FBXL17: variants seen among roughly 807,000 people sequenced by gnomAD.
FBXL17 encodes the protein F-box and leucine rich repeat protein 17.
Under a neutral mutation model 66.2 loss-of-function variants are expected in FBXL17, and 22 were observed. The ratio of observed to expected loss-of-function variants is 0.33; its 90% CI spans 0.24 to 0.47. FBXL17 has a LOEUF of 0.47. FBXL17 is among the 20% of genes least tolerant of loss of function. The pLI is 1.00. For missense variants in FBXL17, 878 were observed against 948.2 expected (o/e 0.93, Z 0.97); for synonymous variants, 474 against 400.5 (o/e 1.18, Z -2.19).
intron 8 of FBXL17, among the ~76,000 whole-genome samples, chr5:107,866,457 T>C (rs566774294): frequency 6.6e-5 from 10 of 152,304 alleles, no homozygotes; most frequent in Admixed American, 2.0e-4. Context: ...GTGAGGCAAA[T>C]TGCTATGCTA....
chr5:107,940,328 G>T (rs1751049577), intron 7 of FBXL17, among the ~76,000 whole-genome samples: 1 of 151,998 alleles, frequency 6.6e-6, no homozygotes, highest in Non-Finnish European at 1.5e-5. Flanking sequence ...GAAAAGTAAG[G>T]CCTGAATCCA....
rs1326360427 is a variant in FBXL17 at position 108,381,946 on chromosome 5, C to CGAGG, written c.-259_-256dup. ...ACGATGGGCGCGAGCTTTGGGGACG[C>CGAGG]GAGGGAGGGAGCGAGCGAGCCTGCC... On this transcript the variant is annotated 5_prime_UTR_variant, in exon 1 of 9. Transcript: ENST00000542267. 7.3e-6 allele frequency: 9 copies of CGAGG among 1,238,574 alleles called. No individual in the cohort carries two copies. Among genetic ancestry groups the CGAGG allele is most frequent in the Middle Eastern group, 3.1e-4 (1 of 3,232 alleles). The allele number at this position is 1,238,574 out of a possible 1,614,324, so 76.7% of individuals were successfully genotyped here. A position where few individuals can be genotyped will look rare whatever the true frequency, so the allele number is the denominator to read the frequency against.
At chr5:108,293,087 C>CAAAAAAAAACAAAAAAAAAAAAAAAA (rs1561511075) in intron 4 of FBXL17, among the ~76,000 whole-genome samples, 1 of 116,480 alleles carries the variant, frequency 8.6e-6, no homozygotes. Context: ...GACTCTGTCT[C>CAAAAAAAAACAAAAAAAAAAAAAAAA]AAAAAAAAAA....
At chr5:108,273,031 G>A (rs1487533508) in intron 4 of FBXL17, among the ~76,000 whole-genome samples, 6 of 152,080 alleles carry the variant, frequency 3.9e-5, no homozygotes, top group Admixed American at 2.0e-4. Flanking sequence ...ATCACATGTC[G>A]GTAGGTTCCG....
chr5:108,277,321 A>T (rs1474629989), intron 4 of FBXL17, among the ~76,000 whole-genome samples: 1 of 152,174 alleles, frequency 6.6e-6, no homozygotes, highest in Non-Finnish European at 1.5e-5. Flanking sequence ...ATTATTTTTT[A>T]AAATGAGAGT....
Position 107,902,606 on chromosome 5 carries a change from G to A in FBXL17, c.1823-21427C>T, listed in dbSNP as rs114565265. ...TATCCCTCAGACTTAAGCAAAGCATGGGTATCTCAGAGGCTGTTCTCCTCC... is the reference window on the plus strand; with the variant it reads ...TATCCCTCAGACTTAAGCAAAGCATAGGTATCTCAGAGGCTGTTCTCCTCC... On this transcript the variant is annotated intron_variant, in intron 7 of 8. Transcript: ENST00000542267. Among the ~76,000 whole-genome samples, 984 of 152,204 alleles carry A rather than the reference G, an allele frequency of 6.5e-3. 14 individuals are homozygous for A. The highest frequency in any genetic ancestry group is 0.021 in the African/African-American group (873 of 41,534).
chr5:108,229,320 T>A (rs146003274), intron 4 of FBXL17, among the ~76,000 whole-genome samples: 4 of 152,100 alleles, frequency 2.6e-5, no homozygotes, highest in Admixed American at 6.6e-5. Context: ...CAAACTATAC[T>A]GTAAGGCCAC....
intron 7 of FBXL17, among the ~76,000 whole-genome samples, chr5:107,918,381 T>C (rs908913178): frequency 1.3e-5 from 2 of 152,204 alleles, no homozygotes; most frequent in African/African-American, 2.4e-5. Flanking sequence ...TGAGATTACA[T>C]TACTCAAATG....
chr5:108,316,291 T>C (rs991026058), intron 4 of FBXL17, among the ~76,000 whole-genome samples: 6 of 151,554 alleles, frequency 4.0e-5, no homozygotes, highest in East Asian at 3.9e-4. Context: ...AGATCAACAA[T>C]GGAAGAATTC....
At chr5:107,983,251 G>A (rs1051702124) in intron 7 of FBXL17, among the ~76,000 whole-genome samples, 1 of 152,090 alleles carries the variant, frequency 6.6e-6, no homozygotes, top group Non-Finnish European at 1.5e-5. Flanking sequence ...TCACTACGTC[G>A]CAGGATCATA....
intron 5 of FBXL17, among the ~76,000 whole-genome samples, chr5:108,201,115 ATATT>A (rs1380431640): frequency 6.6e-6 from 1 of 152,220 alleles, no homozygotes; most frequent in African/African-American, 2.4e-5. Flanking sequence ...TGAATTCCCT[ATATT>A]TAAAGAATGC....
chr5:108,249,589 C>T (rs981685090), intron 4 of FBXL17, among the ~76,000 whole-genome samples: 6 of 152,112 alleles, frequency 3.9e-5, no homozygotes, highest in African/African-American at 1.4e-4. Context: ...AGGCCATACA[C>T]TTGTATAAGA....
At chr5:108,230,446 A>G (rs763614864) in intron 4 of FBXL17, among the ~76,000 whole-genome samples, 4 of 152,184 alleles carry the variant, frequency 2.6e-5, no homozygotes, top group Non-Finnish European at 5.9e-5. Flanking sequence ...TGGAGACTAT[A>G]ATTCTAAGTG....
chr5:108,166,719 A>T (rs548178615), intron 6 of FBXL17, among the ~76,000 whole-genome samples: 5 of 152,314 alleles, frequency 3.3e-5, no homozygotes, highest in African/African-American at 9.6e-5. Flanking sequence ...CTTTGACACT[A>T]CTTCCAATCA....
intron 6 of FBXL17, among the ~76,000 whole-genome samples, chr5:108,053,149 A>G (rs1747548040): frequency 6.6e-6 from 1 of 152,218 alleles, no homozygotes; most frequent in Non-Finnish European, 1.5e-5. Context: ...CAAAGACTTC[A>G]GGACAAAATG....
At chr5:108,179,990 G>C (rs1243456615) in intron 6 of FBXL17, among the ~76,000 whole-genome samples, 1 of 152,126 alleles carries the variant, frequency 6.6e-6, no homozygotes, top group African/African-American at 2.4e-5. Flanking sequence ...ATCCTGGAAA[G>C]AATGTTGACG....
At chr5:107,888,407 T>C (rs1389682455) in intron 7 of FBXL17, among the ~76,000 whole-genome samples, 1 of 152,192 alleles carries the variant, frequency 6.6e-6, no homozygotes, top group Non-Finnish European at 1.5e-5. Flanking sequence ...TGCACATGTC[T>C]GAAGGGTACA....
chr5:108,027,586 G>A (rs921470211), intron 6 of FBXL17, among the ~76,000 whole-genome samples: 3 of 152,128 alleles, frequency 2.0e-5, no homozygotes, highest in African/African-American at 7.2e-5. Flanking sequence ...ATAATCAAAA[G>A]CCACATTATT....
chr5:108,042,182 C>T (rs546243919), intron 6 of FBXL17, among the ~76,000 whole-genome samples: 3 of 152,328 alleles, frequency 2.0e-5, no homozygotes, highest in East Asian at 3.9e-4. Context: ...GCGTGAGCCA[C>T]CGCTCCTGGC....
Sources: gnomAD v4.1 joint callset for allele counts (sites outside exome capture counted in the v4.1 genomes callset) on GRCh38, gnomAD v4.1.1 for gene constraint, MANE v1.5 for transcripts, NCBI Gene and HGNC (gene_info 2026-07-23, HGNC 2026-07-21) for gene names.